KCNG2: variants seen among roughly 807,000 people sequenced by gnomAD.
KCNG2 encodes the protein potassium voltage-gated channel modifier subfamily G member 2, also known as voltage-gated potassium channel regulatory subunit KCNG2.
A neutral mutation model predicts 12.3 loss-of-function variants in KCNG2; 7 were observed. The observed-to-expected ratio is 0.57, with a 90% CI of 0.32 to 1.07. The LOEUF (loss-of-function observed/expected upper bound fraction) is 1.07. KCNG2 is among the 50% of genes least tolerant of loss of function. The pLI is 0.04. For synonymous variants in KCNG2, 414 were observed against 351.4 expected, an observed-to-expected ratio of 1.18 and a Z score of -1.99; for missense variants, 703 against 726.0, an observed-to-expected ratio of 0.97 and a Z score of 0.36.
chr18:79,834,109 G>A (rs55852342), intron 1 of KCNG2, among the ~76,000 whole-genome samples: 11 of 152,008 alleles, frequency 7.2e-5, no homozygotes, highest in African/African-American at 1.9e-4. Context: ...ACGTTAAAGC[G>A]TGTCGAGGTC....
At chr18:79,812,149 G>A (rs2087497851) in intron 1 of KCNG2, among the ~76,000 whole-genome samples, 1 of 152,072 alleles carries the variant, frequency 6.6e-6, no homozygotes, top group African/African-American at 2.4e-5. Context: ...CCAGATACTT[G>A]GAAATTAAAT....
intron 1 of KCNG2, among the ~76,000 whole-genome samples, chr18:79,798,659 C>T (rs2087383228): frequency 6.6e-6 from 1 of 152,242 alleles, no homozygotes. Flanking sequence ...CCAGCTCCCG[C>T]AGCCGCGAAT....
At chr18:79,801,861 G>A (rs1016395834) in intron 1 of KCNG2, among the ~76,000 whole-genome samples, 1 of 152,194 alleles carries the variant, frequency 6.6e-6, no homozygotes, top group Non-Finnish European at 1.5e-5. Flanking sequence ...CCGTGTCCCC[G>A]CCCTCGCATG....
chr18:79,871,088 A>G (rs1417316834), intron 3 of KCNG2, among the ~76,000 whole-genome samples: 1 of 152,028 alleles, frequency 6.6e-6, no homozygotes, highest in Non-Finnish European at 1.5e-5. Context: ...GGCAGGAGGA[A>G]GGTCCTAGCC....
Position 79,830,900 on chromosome 18 carries a change from G to C in KCNG2, c.-114-25479G>C, listed in dbSNP as rs868866455. 6.1e-5 allele frequency among the ~76,000 whole-genome samples: 6 copies of C among 98,518 alleles called. 1 individual carries two copies. The highest frequency in any genetic ancestry group is 2.9e-4 in the South Asian group (1 of 3,398). The allele number at this position is 98,518 out of a possible 152,430, so 64.6% of individuals were successfully genotyped here. On this transcript the variant is annotated intron_variant, in intron 1 of 3. Transcript: ENST00000316249. ...CTGCATACAGAGCCTTCGTCAGGAG[G>C]GTTCCCTGCGGACAGAGCCTTCGTC...
intron 2 of KCNG2, among the ~76,000 whole-genome samples, chr18:79,861,905 T>C (rs886259570): frequency 1.3e-5 from 2 of 152,222 alleles, no homozygotes; most frequent in South Asian, 2.1e-4. Context: ...AGCGTGTTCA[T>C]AGCTGCTGCT....
Position 79,899,598 on chromosome 18 carries a change from C to G in KCNG2, c.1183C>G (p.Leu395Val). The G allele has an allele frequency of 6.3e-7, 1 of 1,598,938 alleles. No individual in the cohort carries two copies. The highest frequency in any genetic ancestry group is 8.5e-7 in the Non-Finnish European group (1 of 1,171,866). ...GCTCAGCAGCATCCTCAGCGGCATC[C>G]TGCTCATGGCCTTCCCGGTCACCTC... is the stretch of plus-strand genomic sequence containing the variant. ...VALSSILSGI[L>V]LMAFPVTSIF... Residue 395 changes from leucine to valine, a missense_variant, in exon 4 of 4, where the codon CTG becomes GTG. Transcript: ENST00000316249.
At chr18:79,852,297 G>A (rs1385480585) in intron 1 of KCNG2, among the ~76,000 whole-genome samples, 1 of 152,232 alleles carries the variant, frequency 6.6e-6, no homozygotes, top group Non-Finnish European at 1.5e-5. Context: ...CCAATAACGC[G>A]CCATCTATCT....
chr18:79,885,437 G>A (rs9965269), intron 3 of KCNG2, among the ~76,000 whole-genome samples: 5,842 of 152,228 alleles, frequency 0.038, 404 homozygotes, highest in African/African-American at 0.13. Context: ...TTCCGCGGGT[G>A]GTCTCTTTCT....
At chr18:79,837,108 C>T (rs1047339249) in intron 1 of KCNG2, among the ~76,000 whole-genome samples, 6 of 152,166 alleles carry the variant, frequency 3.9e-5, no homozygotes, top group Non-Finnish European at 8.8e-5. Context: ...GAACAGACAT[C>T]GGGTAAATGC....
At chr18:79,811,308 CTATT>C (rs1191777134) in intron 1 of KCNG2, among the ~76,000 whole-genome samples, 1 of 152,204 alleles carries the variant, frequency 6.6e-6, no homozygotes, top group African/African-American at 2.4e-5. Context: ...AGTTCTCACA[CTATT>C]TATTAAAACT....
At chr18:79,828,947 CTGTG>C (rs145772349) in intron 1 of KCNG2, among the ~76,000 whole-genome samples, 10 of 102,630 alleles carry the variant, frequency 9.7e-5, no homozygotes, top group East Asian at 9.0e-4. Context: ...TGTAACGTGT[CTGTG>C]TGTGCATGTG....
Position 79,826,982 on chromosome 18 carries a change from G to T in KCNG2, c.-115+28968G>T, listed in dbSNP as rs916826818. Among the ~76,000 whole-genome samples, 3 of 152,192 alleles carry T rather than the reference G, an allele frequency of 2.0e-5. No individual in the cohort carries two copies. The South Asian group carries it at 6.2e-4, about 32-fold the overall frequency. On this transcript the variant is annotated intron_variant, in intron 1 of 3. Coordinates refer to ENST00000316249, the MANE Select transcript of KCNG2 (RefSeq NM_012283.2). ...TTTAATTACAGTTTCTAGGAAATTC[G>T]CCTTGGCTTCTGCCCGCTTTCTGTT...
chr18:79,882,295 GC>G (rs1178133070), intron 3 of KCNG2, among the ~76,000 whole-genome samples: 8 of 152,192 alleles, frequency 5.3e-5, no homozygotes, highest in Non-Finnish European at 1.0e-4. Flanking sequence ...GATCACTTCA[GC>G]CCAGGAGTTC....
At chr18:79,831,729 A>G (rs2613525) in intron 1 of KCNG2, among the ~76,000 whole-genome samples, 4,253 of 8,460 alleles carry the variant, frequency 0.5, 880 homozygotes, top group South Asian at 0.64. Context: ...CAGAGCCTTC[A>G]TCAGGAGGGT....
At chr18:79,810,020 G>A (rs1249511900) in intron 1 of KCNG2, among the ~76,000 whole-genome samples, 4 of 152,238 alleles carry the variant, frequency 2.6e-5, no homozygotes, top group South Asian at 4.1e-4. Flanking sequence ...CCAGCCTCGC[G>A]GAGCCGCCCG....
chr18:79,809,676 C>T (rs893609574), intron 1 of KCNG2, among the ~76,000 whole-genome samples: 1 of 152,040 alleles, frequency 6.6e-6, no homozygotes, highest in African/African-American at 2.4e-5. Flanking sequence ...GGGTGCCCAG[C>T]GCACCTGCCG....
At chr18:79,880,618 T>G (rs911862817) in intron 3 of KCNG2, among the ~76,000 whole-genome samples, 16 of 152,228 alleles carry the variant, frequency 1.1e-4, no homozygotes, top group African/African-American at 3.4e-4. Context: ...CCAATACTCC[T>G]CTGATACCAA....
rs974085923 is a variant in KCNG2 at position 79,800,776 on chromosome 18, A to G, written c.-115+2762A>G. On this transcript the variant is annotated intron_variant, in intron 1 of 3. Transcript: ENST00000316249. The surrounding 1 kb of genome is among the most constrained non-coding windows in gnomAD (Gnocchi z 4.0). Reference sequence around the variant, plus strand: ...CTGCGGGCACCCGCAGGCTCTGCTCACCCACCGGCTGGTTTGTAGGGACAG... The same window carrying G: ...CTGCGGGCACCCGCAGGCTCTGCTCGCCCACCGGCTGGTTTGTAGGGACAG... Among the ~76,000 whole-genome samples, 2 of 152,148 alleles carry G rather than the reference A, an allele frequency of 1.3e-5. No homozygotes were observed. The highest frequency in any genetic ancestry group is 2.4e-5 in the African/African-American group (1 of 41,434).
Sources: allele counts gnomAD v4.1 joint callset (sites outside exome capture counted in the v4.1 genomes callset), GRCh38; gene constraint gnomAD v4.1.1; non-coding constraint Gnocchi (gnomAD v3.1); transcripts MANE v1.5; gene names NCBI Gene and HGNC (gene_info 2026-07-23, HGNC 2026-07-21).